Variants in CMTM8 observed in about 807,000 individuals in gnomAD.
CMTM8 encodes the protein CKLF like MARVEL transmembrane domain containing 8, also known as CKLF-like MARVEL transmembrane domain-containing protein 8.
In CMTM8, 12 loss-of-function variants were observed where a neutral mutation model predicts 18.6. That is an observed-to-expected ratio of 0.65 (90% CI 0.41 to 1.05). The LOEUF (loss-of-function observed/expected upper bound fraction) is 1.05, where lower values mean the gene tolerates loss of function less well. Among genes scored for constraint, CMTM8 ranks in the 50% least tolerant of loss-of-function variants. The pLI, the probability that CMTM8 is intolerant of heterozygous loss-of-function variation, is 0.00. For missense variants in CMTM8, 217 were observed against 227.2 expected, an observed-to-expected ratio of 0.95 and a Z score of 0.29; for synonymous variants, 87 against 90.6, an observed-to-expected ratio of 0.96 and a Z score of 0.23.
intron 1 of CMTM8, among the ~76,000 whole-genome samples, chr3:32,326,879 G>A (rs1188271087): frequency 2.6e-5 from 4 of 152,040 alleles, no homozygotes; most frequent in African/African-American, 7.2e-5. Flanking sequence ...TGGTTTCCCC[G>A]ATAACCCAAG....
intron 1 of CMTM8, among the ~76,000 whole-genome samples, chr3:32,329,860 T>G (rs563894603): frequency 3.4e-4 from 52 of 152,224 alleles, no homozygotes; most frequent in African/African-American, 1.1e-3. Context: ...CACTAAAGAT[T>G]CTACCAAAAA....
At chr3:32,332,142 G>A (rs1463210544) in intron 1 of CMTM8, among the ~76,000 whole-genome samples, 1 of 152,174 alleles carries the variant, frequency 6.6e-6, no homozygotes, top group East Asian at 1.9e-4. Flanking sequence ...GCAAATTTTG[G>A]ATGGAAAAGT....
At chr3:32,340,754 G>A (rs780804817) in intron 1 of CMTM8, among the ~76,000 whole-genome samples, 3 of 152,218 alleles carry the variant, frequency 2.0e-5, no homozygotes, top group Admixed American at 6.5e-5. Context: ...ACAGTGAGCC[G>A]CATGTGGCCC....
chr3:32,277,184 G>A (rs1702533544), intron 1 of CMTM8, among the ~76,000 whole-genome samples: 2 of 152,004 alleles, frequency 1.3e-5, no homozygotes, highest in Admixed American at 6.6e-5. Flanking sequence ...AACACTCCCA[G>A]CCCTGAGAAA....
rs764078942 is a variant in CMTM8, at chr3:32,357,553, A to G, written c.321+7A>G. 6.2e-7 allele frequency: 1 copy of G among 1,613,822 alleles called. No individual in the cohort carries two copies. ...GGTGCCCTGGACAACAGTGGTAAGGAAGCTGTGGGTGGTGGTCTTGTCCAG... is the reference window on the plus strand; with the variant it reads ...GGTGCCCTGGACAACAGTGGTAAGGGAGCTGTGGGTGGTGGTCTTGTCCAG... On this transcript the variant is annotated splice_region_variant and intron_variant, in intron 2 of 3. Coordinates refer to ENST00000307526, the MANE Select transcript of CMTM8 (RefSeq NM_178868.5).
At chr3:32,365,601 C>G (rs1697019244) in intron 2 of CMTM8, among the ~76,000 whole-genome samples, 1 of 152,080 alleles carries the variant, frequency 6.6e-6, no homozygotes, top group Non-Finnish European at 1.5e-5. Context: ...CCCATCGCCA[C>G]ATTTGCCTAA....
At chr3:32,299,174 C>G (rs1260689614) in intron 1 of CMTM8, among the ~76,000 whole-genome samples, 4 of 151,756 alleles carry the variant, frequency 2.6e-5, no homozygotes, top group African/African-American at 7.3e-5. Context: ...GGCCTAGAGC[C>G]TGTATTATCA....
chr3:32,364,339 C>T (rs769908137), intron 2 of CMTM8, among the ~76,000 whole-genome samples: 11 of 152,136 alleles, frequency 7.2e-5, no homozygotes, highest in Admixed American at 1.3e-4. Context: ...CCCATCTCTA[C>T]TAAAAATACA....
At chr3:32,278,373 G>A (rs556988814) in intron 1 of CMTM8, among the ~76,000 whole-genome samples, 2 of 152,238 alleles carry the variant, frequency 1.3e-5, no homozygotes, top group South Asian at 4.1e-4. Flanking sequence ...GTGCTGTGAG[G>A]GGCCTTGCAG....
chr3:32,357,662 G>C lies in CMTM8; in HGVS notation c.321+116G>C, dbSNP rs1484894974. The C allele has an allele frequency of 4.9e-6, 5 of 1,024,916 alleles. No individual in the cohort carries two copies. In the Admixed American group the frequency reaches 1.2e-4, roughly 24 times the overall value. 63.5% of individuals were successfully genotyped at this position (1,024,916 alleles called of 1,614,324 possible). On this transcript the variant is annotated intron_variant, in intron 2 of 3. Coordinates refer to ENST00000307526, the MANE Select transcript of CMTM8 (RefSeq NM_178868.5). ...CCAGAAAAGGTGGGGCCATACCATG[G>C]AGAACTCAACACAGCAGATAATCTC...
At chr3:32,288,851 G>A (rs1195339269) in intron 1 of CMTM8, among the ~76,000 whole-genome samples, 3 of 152,110 alleles carry the variant, frequency 2.0e-5, no homozygotes, top group Non-Finnish European at 4.4e-5. Flanking sequence ...TATCTCAGTC[G>A]AATTTCCTAT....
chr3:32,355,370 T>C (rs1237645198), intron 1 of CMTM8, among the ~76,000 whole-genome samples: 1 of 152,160 alleles, frequency 6.6e-6, no homozygotes, highest in African/African-American at 2.4e-5. Context: ...ACTCCAGAAA[T>C]CTTTCTAGAT....
At chr3:32,310,376 T>TGAGCTGTAGATACACTGTCTGGAG (rs1695796651) in intron 1 of CMTM8, among the ~76,000 whole-genome samples, 1 of 152,168 alleles carries the variant, frequency 6.6e-6, no homozygotes, top group African/African-American at 2.4e-5. Context: ...AAAATATACC[T>TGAGCTGTAGATACACTGTCTGGAG]GAGCTGTAGA....
At chr3:32,326,515 CTTT>C (rs58555396) in intron 1 of CMTM8, among the ~76,000 whole-genome samples, 5 of 113,350 alleles carry the variant, frequency 4.4e-5, no homozygotes, top group East Asian at 3.3e-4. Flanking sequence ...TTCTTTCTTT[CTTT>C]TTTTTTTTTT....
intron 1 of CMTM8, among the ~76,000 whole-genome samples, chr3:32,345,013 G>A (rs1017316393): frequency 2.0e-5 from 3 of 152,128 alleles, no homozygotes; most frequent in Non-Finnish European, 4.4e-5. Context: ...AGCTCACTGA[G>A]AGCTGCAAGT....
At chr3:32,268,761 G>T (rs1407715901) in intron 1 of CMTM8, among the ~76,000 whole-genome samples, 1 of 152,160 alleles carries the variant, frequency 6.6e-6, no homozygotes, top group Admixed American at 6.6e-5. Flanking sequence ...TTTATTGAAA[G>T]AAGTCCTAAA....
chr3:32,343,319 C>T (rs1696534736), intron 1 of CMTM8, among the ~76,000 whole-genome samples: 1 of 152,160 alleles, frequency 6.6e-6, no homozygotes, highest in South Asian at 2.1e-4. Flanking sequence ...ATAAGTCTTG[C>T]CTTTAAGAAA....
At chr3:32,269,984 G>C (rs940229934) in intron 1 of CMTM8, among the ~76,000 whole-genome samples, 2 of 151,598 alleles carry the variant, frequency 1.3e-5, no homozygotes, top group African/African-American at 4.9e-5. Flanking sequence ...ATGTTACCCA[G>C]GCTGGTCTCA....
At chr3:32,287,812 G>T (rs76202312) in intron 1 of CMTM8, among the ~76,000 whole-genome samples, 1,974 of 152,254 alleles carry the variant, frequency 0.013, 42 homozygotes, top group African/African-American at 0.045. Flanking sequence ...GGCTTTGGTT[G>T]TGAGTGAAGG....
Sources: gnomAD v4.1 joint callset for allele counts (sites outside exome capture counted in the v4.1 genomes callset) on GRCh38, gnomAD v4.1.1 for gene constraint, MANE v1.5 for transcripts, NCBI Gene and HGNC (gene_info 2026-07-23, HGNC 2026-07-21) for gene names.